Variants in PGM2 observed in about 807,000 individuals in gnomAD.
PGM2 encodes the protein phosphoglucomutase 2.
Under a neutral mutation model 74.6 loss-of-function variants are expected in PGM2, and 57 were observed. That is an observed-to-expected ratio of 0.76 (90% confidence interval 0.62 to 0.95). The LOEUF (loss-of-function observed/expected upper bound fraction) is 0.95, where lower values mean the gene tolerates loss of function less well. Ranked by LOEUF, PGM2 falls within the 40% of genes least tolerant of loss-of-function variation. The pLI is 0.00. For missense variants in PGM2, 706 were observed against 741.9 expected (o/e 0.95, Z 0.56); for synonymous variants, 273 against 260.7 (o/e 1.05, Z -0.46).
chr4:37,828,446 A>C (rs1035525272), intron 1 of PGM2, among the ~76,000 whole-genome samples: 1 of 151,930 alleles, frequency 6.6e-6, no homozygotes, highest in African/African-American at 2.4e-5. Flanking sequence ...TTCTCCAGTG[A>C]ACCTCCCACC....
chr4:37,841,100 A>ATATATATATATATATATATATATG (rs1202149456), intron 6 of PGM2, among the ~76,000 whole-genome samples: 8 of 115,748 alleles, frequency 6.9e-5, no homozygotes, highest in East Asian at 3.0e-4. Context: ...ATATATATAT[A>ATATATATATATATATATATATATG]TGTGTGTGTG....
At chr4:37,848,249 G>C (rs191565896) in intron 10 of PGM2, among the ~76,000 whole-genome samples, 5 of 152,292 alleles carry the variant, frequency 3.3e-5, no homozygotes, top group Non-Finnish European at 5.9e-5. Flanking sequence ...AGGACAATTA[G>C]AAACAATTTC....
chr4:37,842,459 T>G (rs1251520288), intron 6 of PGM2, among the ~76,000 whole-genome samples: 1 of 151,930 alleles, frequency 6.6e-6, no homozygotes, highest in African/African-American at 2.4e-5. Context: ...TTAGTGATTT[T>G]TAATTTTATA....
At chr4:37,844,612 C>A in intron 7 of PGM2, 59 bp downstream of exon 7, 2 of 1,003,562 alleles carry the variant, frequency 2.0e-6, no homozygotes, top group Admixed American at 2.2e-5. Flanking sequence ...CTATTACTGT[C>A]AAGTAAAATA....
chr4:37,848,731 T>C (rs915387097), intron 11 of PGM2, 80 bp downstream of exon 11: 1 of 1,035,912 alleles, frequency 9.7e-7, no homozygotes, highest in Non-Finnish European at 1.5e-6. Flanking sequence ...GATACTAATA[T>C]CCTTTCTAAT....
At chr4:37,834,949 A>G (rs893016084) in intron 3 of PGM2, among the ~76,000 whole-genome samples, 1 of 152,244 alleles carries the variant, frequency 6.6e-6, no homozygotes, top group Non-Finnish European at 1.5e-5. Context: ...GCTAAAAGAA[A>G]GAAATTTCTT....
intron 6 of PGM2, among the ~76,000 whole-genome samples, chr4:37,843,431 A>G (rs1725783032): frequency 1.3e-5 from 2 of 152,134 alleles, no homozygotes; most frequent in South Asian, 2.1e-4. Context: ...GAAATGGATA[A>G]TAACCTAAGA....
rs562651678 is a variant in PGM2 at position 37,827,792 on chromosome 4, C to G, written c.81+979C>G. ...GGGGCGAGAGACCCCTGCAGTCTCACAGGACTCGCGCTCCTTGAAGGGCCC... is the reference window on the plus strand; with the variant it reads ...GGGGCGAGAGACCCCTGCAGTCTCAGAGGACTCGCGCTCCTTGAAGGGCCC... On this transcript the variant is annotated intron_variant, in intron 1 of 13. Transcript: ENST00000381967. Among the ~76,000 whole-genome samples, 46 of 152,186 alleles carry G rather than the reference C, an allele frequency of 3.0e-4. 1 individual carries two copies. The highest frequency in any genetic ancestry group is 3.8e-4 in the Non-Finnish European group (26 of 68,038).
chr4:37,855,591 T>G lies in PGM2; in HGVS notation c.1603-17T>G. 1 of 1,608,620 alleles carries G rather than the reference T, an allele frequency of 6.2e-7. No individual in the cohort carries two copies. The highest frequency in any genetic ancestry group is 8.5e-7 in the Non-Finnish European group (1 of 1,177,206). On this transcript the variant is annotated splice_polypyrimidine_tract_variant and intron_variant, in intron 12 of 13. Transcript: ENST00000381967. ...AATGTTACTATTTAAATTTATAATG[T>G]GTGCATTAATTCCTAGGTTCTTCCC...
chr4:37,852,691 G>A (rs1209763708), intron 12 of PGM2, among the ~76,000 whole-genome samples: 1 of 152,134 alleles, frequency 6.6e-6, no homozygotes, highest in Non-Finnish European at 1.5e-5. Context: ...GATAGTTAAG[G>A]CCTACTGTAT....
chr4:37,826,781 C>A lies in PGM2; in HGVS notation c.49C>A (p.Gln17Lys). The A allele has an allele frequency of 6.5e-7, 1 of 1,549,404 alleles. No homozygotes were observed. ...TCTAGGCGAGGACGCCCGGCTGGACCAGGAGACCGCCCAGTGGCTGCGCTG... is the reference window on the plus strand; with the variant it reads ...TCTAGGCGAGGACGCCCGGCTGGACAAGGAGACCGCCCAGTGGCTGCGCTG... ...SGLGEDARLD[Q>K]ETAQWLRWDK... The change falls in exon 1 of 14, where the codon CAG (glutamine) becomes AAG (lysine). Residue 17 changes from glutamine (Q) to lysine (K), a missense_variant. Around this residue, in one of 3 missense-constraint regions of PGM2, gnomAD observed 332 missense variants for 334.9 expected, o/e 0.99. Transcript: ENST00000381967.
intron 1 of PGM2, among the ~76,000 whole-genome samples, chr4:37,829,220 A>G (rs1313631824): frequency 6.6e-6 from 1 of 152,206 alleles, no homozygotes; most frequent in Non-Finnish European, 1.5e-5. Context: ...ATGAACTTAA[A>G]TGAATCATGT....
At position 37,844,370 on chromosome 4, in the gene PGM2, G is replaced by A; in HGVS notation, c.726G>A (p.Val242=). 1.2e-6 allele frequency: 2 copies of A among 1,605,272 alleles called. No individual in the cohort carries two copies. Among genetic ancestry groups the A allele is most frequent in the Non-Finnish European group, 1.7e-6 (2 of 1,175,112 alleles). ...ACTGTGTATCTGATTCTAGGAGCGT[G>A]AACAGGGAGACAAAGGTGAAGTTTG... ...DLKKYCFHRS[V]NRETKVKFVH... is the part of the protein sequence containing the mutation. The change falls in exon 7 of 14, where the codon GTG becomes GTA. Residue 242 remains valine, a synonymous_variant. Coordinates refer to ENST00000381967, the MANE Select transcript of PGM2 (RefSeq NM_018290.4).
chr4:37,857,819 T>C (rs1028939989), intron 13 of PGM2, among the ~76,000 whole-genome samples: 4 of 152,210 alleles, frequency 2.6e-5, no homozygotes, highest in Non-Finnish European at 5.9e-5. Context: ...TATTGTAATA[T>C]TATGCAAGAA....
intron 1 of PGM2, among the ~76,000 whole-genome samples, chr4:37,829,565 C>T (rs974458180): frequency 2.6e-5 from 4 of 152,058 alleles, no homozygotes; most frequent in African/African-American, 9.7e-5. Context: ...TGAAGTAAAC[C>T]ACCTTAAAAC....
intron 8 of PGM2, among the ~76,000 whole-genome samples, chr4:37,846,547 A>G (rs1725876816): frequency 1.3e-5 from 2 of 152,164 alleles, no homozygotes; most frequent in Non-Finnish European, 2.9e-5. Context: ...AGCAATACTG[A>G]CCAGTCCAGA....
chr4:37,842,801 C>T (rs1402041019), intron 6 of PGM2, among the ~76,000 whole-genome samples: 1 of 152,076 alleles, frequency 6.6e-6, no homozygotes, highest in Non-Finnish European at 1.5e-5. Context: ...GCTGGTACTG[C>T]AGGTGTGCAC....
intron 12 of PGM2, 93 bp downstream of exon 12, chr4:37,850,466 C>A: frequency 2.5e-6 from 2 of 797,226 alleles, no homozygotes; most frequent in Non-Finnish European, 3.7e-6. Flanking sequence ...TTAATTGAAG[C>A]TGATTTTAGG....
intron 6 of PGM2, among the ~76,000 whole-genome samples, chr4:37,843,610 ATTT>A (rs773740070): frequency 1.5e-5 from 2 of 137,084 alleles, no homozygotes; most frequent in East Asian, 4.5e-4. Context: ...TATTATTATT[ATTT>A]TTTTTTTTTT....
Sources: allele counts gnomAD v4.1 joint callset (sites outside exome capture counted in the v4.1 genomes callset), GRCh38; gene constraint gnomAD v4.1.1; regional missense constraint gnomAD v4.1.1; transcripts MANE v1.5; gene names NCBI Gene and HGNC (gene_info 2026-07-23, HGNC 2026-07-21).